Variants in GALNT7 observed in about 807,000 individuals in gnomAD.
GALNT7 encodes N-acetylgalactosaminyltransferase 7.
A neutral mutation model predicts 82.1 loss-of-function variants in GALNT7; 60 were observed. The observed-to-expected ratio is 0.73, with a 90% CI of 0.59 to 0.91. The LOEUF (loss-of-function observed/expected upper bound fraction) is 0.91, where lower values mean the gene tolerates loss of function less well. Among genes scored for constraint, GALNT7 ranks in the 40% least tolerant of loss-of-function variants. GALNT7 has a pLI of 0.00. For missense variants in GALNT7, 660 were observed against 804.2 expected (o/e 0.82, Z 2.17); for synonymous variants, 243 against 275.1 (o/e 0.88, Z 1.15).
rs527566657 is a variant in GALNT7, at chr4:173,233,948, T to C, written c.127-14032T>C. On this transcript the variant is annotated intron_variant, in intron 1 of 11. Coordinates refer to ENST00000265000, the MANE Select transcript of GALNT7 (RefSeq NM_017423.3). ...TTCAAAAAATGTTGTCTATTCTTGTTTGTATCGTTTCCACATCTCCCAACT... is the reference window on the plus strand; with the variant it reads ...TTCAAAAAATGTTGTCTATTCTTGTCTGTATCGTTTCCACATCTCCCAACT... Among the ~76,000 whole-genome samples the C allele has an allele frequency of 2.1e-3, 319 of 152,358 alleles. 1 individual carries two copies. Among genetic ancestry groups the C allele is most frequent in the African/African-American group, 7.2e-3 (298 of 41,580 alleles).
chr4:173,273,784 T>A lies in GALNT7; in HGVS notation c.588-18324T>A, dbSNP rs115714400. Among the ~76,000 whole-genome samples, 384 of 152,344 alleles carry A rather than the reference T, an allele frequency of 2.5e-3. 2 individuals carry two copies. Among genetic ancestry groups the A allele is most frequent in the Non-Finnish European group, 4.2e-3 (285 of 68,024 alleles). ...TCCATCTTTTTCCCTCCTTCTATTT[T>A]TAACTTTTGTAATACTGTTTTATTC... On this transcript the variant is annotated intron_variant, in intron 2 of 11. Transcript: ENST00000265000.
chr4:173,177,070 A>G (rs1015495909), intron 1 of GALNT7, among the ~76,000 whole-genome samples: 2 of 152,198 alleles, frequency 1.3e-5, no homozygotes, highest in African/African-American at 4.8e-5. Flanking sequence ...CTTTAGAAGG[A>G]ATACAGCTGT....
intron 6 of GALNT7, among the ~76,000 whole-genome samples, chr4:173,301,826 A>G (rs1455952917): frequency 6.6e-6 from 1 of 152,246 alleles, no homozygotes; most frequent in East Asian, 1.9e-4. Flanking sequence ...CTATTTTGTA[A>G]TGAGCTACAG....
intron 2 of GALNT7, among the ~76,000 whole-genome samples, chr4:173,254,921 T>G (rs1359912715): frequency 6.6e-6 from 1 of 152,216 alleles, no homozygotes; most frequent in East Asian, 1.9e-4. Flanking sequence ...AAATAAGTCC[T>G]TGTGTTCTGA....
At chr4:173,260,963 A>C (rs1409018965) in intron 2 of GALNT7, among the ~76,000 whole-genome samples, 1 of 152,214 alleles carries the variant, frequency 6.6e-6, no homozygotes, top group African/African-American at 2.4e-5. Context: ...GAAAATTGTC[A>C]GGAGTACCTT....
chr4:173,225,584 G>A (rs1243350087), intron 1 of GALNT7, among the ~76,000 whole-genome samples: 1 of 152,158 alleles, frequency 6.6e-6, no homozygotes. Flanking sequence ...TTTATGTAGT[G>A]CCTCATTTAA....
At chr4:173,289,221 GTAA>G (rs1354713449) in intron 2 of GALNT7, among the ~76,000 whole-genome samples, 1 of 152,116 alleles carries the variant, frequency 6.6e-6, no homozygotes, top group Non-Finnish European at 1.5e-5. Context: ...AGAAATGAAA[GTAA>G]AAGGGTAGAG....
At chr4:173,201,412 T>C (rs1461606006) in intron 1 of GALNT7, among the ~76,000 whole-genome samples, 1 of 152,110 alleles carries the variant, frequency 6.6e-6, no homozygotes, top group African/African-American at 2.4e-5. Flanking sequence ...TCCAAGTACT[T>C]GCTGTTCTCT....
chr4:173,308,016 T>C (rs1255521366), intron 8 of GALNT7, among the ~76,000 whole-genome samples: 1 of 152,260 alleles, frequency 6.6e-6, no homozygotes, highest in Non-Finnish European at 1.5e-5. Context: ...TCCTGCTGCA[T>C]GGCCGATACC....
chr4:173,242,602 C>T (rs558309843), intron 1 of GALNT7, among the ~76,000 whole-genome samples: 8 of 152,330 alleles, frequency 5.3e-5, no homozygotes, highest in African/African-American at 1.4e-4. Context: ...ATGCAGTCAT[C>T]GCTCAGTGCT....
intron 11 of GALNT7, among the ~76,000 whole-genome samples, chr4:173,319,881 G>GA (rs1335901216): frequency 6.6e-6 from 1 of 152,140 alleles, no homozygotes; most frequent in African/African-American, 2.4e-5. Context: ...TACTGCTGAG[G>GA]AGTTTCATAG....
intron 6 of GALNT7, among the ~76,000 whole-genome samples, chr4:173,300,241 A>G (rs897684137): frequency 6.6e-6 from 1 of 152,014 alleles, no homozygotes; most frequent in African/African-American, 2.4e-5. Flanking sequence ...AACTCAGGAG[A>G]CTGAGGCAGA....
chr4:173,273,539 T>C (rs939011079), intron 2 of GALNT7, among the ~76,000 whole-genome samples: 1 of 152,120 alleles, frequency 6.6e-6, no homozygotes, highest in Non-Finnish European at 1.5e-5. Context: ...CCTCACCAGG[T>C]TTTCTTGCTA....
chr4:173,286,628 G>A (rs1229401124), intron 2 of GALNT7, among the ~76,000 whole-genome samples: 2 of 152,196 alleles, frequency 1.3e-5, no homozygotes, highest in Admixed American at 1.3e-4. Context: ...TTTCCTTTGG[G>A]AAGACTGGGG....
chr4:173,296,315 C>A (rs758774520), intron 5 of GALNT7, among the ~76,000 whole-genome samples: 1 of 152,132 alleles, frequency 6.6e-6, no homozygotes, highest in Non-Finnish European at 1.5e-5. Flanking sequence ...GACAACTATT[C>A]CATGGAATTG....
chr4:173,173,380 T>C (rs1008052), intron 1 of GALNT7, among the ~76,000 whole-genome samples: 73,561 of 151,858 alleles, frequency 0.48, 18,427 homozygotes, highest in East Asian at 0.68. Context: ...TTATCCCAGG[T>C]TTTAGCCCTG....
intron 6 of GALNT7, among the ~76,000 whole-genome samples, chr4:173,299,290 A>AT (rs1191928559): frequency 3.3e-5 from 5 of 152,038 alleles, no homozygotes; most frequent in East Asian, 1.9e-4. Flanking sequence ...CATTTACCAA[A>AT]TTTTTTTTGG....
chr4:173,218,199 T>G (rs551653750), intron 1 of GALNT7, among the ~76,000 whole-genome samples: 27 of 152,310 alleles, frequency 1.8e-4, no homozygotes, highest in Non-Finnish European at 2.9e-4. Context: ...AGACATTTTC[T>G]GTAGATTAGA....
chr4:173,302,836 T>C lies in GALNT7; in HGVS notation c.1266+672T>C, dbSNP rs983053944. 7.2e-5 allele frequency among the ~76,000 whole-genome samples: 11 copies of C among 152,232 alleles called. No homozygotes were observed. Among genetic ancestry groups the C allele is most frequent in the African/African-American group, 2.7e-4 (11 of 41,462 alleles). ...AAACCAGTTGTTGCTCTCAAGGAAC[T>C]TGATAAGAAGATATTAGAATTATAC... On this transcript the variant is annotated intron_variant, in intron 7 of 11. Transcript: ENST00000265000. The surrounding 1 kb of genome is among the most constrained non-coding windows in gnomAD (Gnocchi z 4.2).
Sources: allele counts gnomAD v4.1 joint callset (sites outside exome capture counted in the v4.1 genomes callset), GRCh38; gene constraint gnomAD v4.1.1; non-coding constraint Gnocchi (gnomAD v3.1); transcripts MANE v1.5; gene names NCBI Gene and HGNC (gene_info 2026-07-23, HGNC 2026-07-21).